The following PCGF6 variants were observed in gnomAD, a reference collection of about 807,000 sequenced individuals.
The protein encoded by PCGF6 is polycomb group RING finger protein 6.
PCGF6 carries 24 observed loss-of-function variants against 45.5 expected under a neutral mutation model. The ratio of observed to expected loss-of-function variants is 0.53; its 90% confidence interval spans 0.38 to 0.74. The LOEUF (loss-of-function observed/expected upper bound fraction) is 0.74. Among genes scored for constraint, PCGF6 ranks in the 30% least tolerant of loss-of-function variants. The pLI is 0.00. For missense variants in PCGF6, 356 were observed against 443.2 expected, an observed-to-expected ratio of 0.80 and a Z score of 1.77; for synonymous variants, 152 against 162.1, an observed-to-expected ratio of 0.94 and a Z score of 0.47.
At chr10:103,315,988 GTGTGTGTATA>G (rs1217406295) in intron 8 of PCGF6, among the ~76,000 whole-genome samples, 1 of 110,516 alleles carries the variant, frequency 9.0e-6, no homozygotes, top group Admixed American at 1.1e-4. Context: ...GTGTGTGTGT[GTGTGTGTATA>G]TATATATATA....
chr10:103,328,475 G>A (rs2093227429), intron 7 of PCGF6, among the ~76,000 whole-genome samples: 1 of 152,080 alleles, frequency 6.6e-6, no homozygotes, highest in African/African-American at 2.4e-5. Context: ...TTGAGTGTAG[G>A]CACTCCAGGC....
intron 8 of PCGF6, among the ~76,000 whole-genome samples, chr10:103,319,275 G>C (rs2093187760): frequency 6.6e-6 from 1 of 152,012 alleles, no homozygotes; most frequent in Non-Finnish European, 1.5e-5. Context: ...TCAGCCTCCT[G>C]AGTAGCTGAG....
chr10:103,317,425 T>A (rs1345056574), intron 8 of PCGF6, among the ~76,000 whole-genome samples: 5 of 152,166 alleles, frequency 3.3e-5, no homozygotes, highest in African/African-American at 1.2e-4. Context: ...TTTTTACAGA[T>A]CTTTAAATTT....
intron 1 of PCGF6, among the ~76,000 whole-genome samples, chr10:103,349,839 T>C (rs984954934): frequency 6.7e-6 from 1 of 149,978 alleles, no homozygotes; most frequent in Non-Finnish European, 1.5e-5. Flanking sequence ...TCCCAGCACT[T>C]TGGGAGGCCG....
In PCGF6 at chr10:103,341,069, A is replaced by G. The variant is rs1340877583; in HGVS notation, c.782+3955T>C. Among the ~76,000 whole-genome samples, 3 of 151,732 alleles carry G rather than the reference A, an allele frequency of 2.0e-5. No individual in the cohort carries two copies. In the East Asian group the frequency reaches 5.9e-4, roughly 30 times the overall value. ...ACATGGCGAAACCCTGTCTCTACTA[A>G]AAATAGAAAATTAGCCAGGCATGGT... On this transcript the variant is annotated intron_variant, in intron 6 of 9. Transcript: ENST00000369847.
At chr10:103,341,461 C>A (rs970487164) in intron 6 of PCGF6, among the ~76,000 whole-genome samples, 16 of 151,732 alleles carry the variant, frequency 1.1e-4, no homozygotes, top group Non-Finnish European at 1.3e-4. Context: ...TTTTTCGAGA[C>A]GGAGTTTGGC....
chr10:103,347,481 A>T lies in PCGF6; in HGVS notation c.558-31T>A, dbSNP rs2093303777. ...AAAAGGAAAGGATGGAGAATACCTC[A>T]GAATTCAGAAAAATGCATTTTGGTA... On this transcript the variant is annotated intron_variant, in intron 3 of 9. Transcript: ENST00000369847. 1.9e-6 allele frequency: 3 copies of T among 1,548,856 alleles called. No individual in the cohort carries two copies. In the African/African-American group the frequency reaches 4.1e-5, roughly 21 times the overall value.
chr10:103,304,641 C>T (rs908713083), intron 9 of PCGF6, among the ~76,000 whole-genome samples: 3 of 139,134 alleles, frequency 2.2e-5, no homozygotes, highest in African/African-American at 5.4e-5. Context: ...ACACCTGGCC[C>T]GACACCCAGC....
At chr10:103,329,937 C>T (rs1033992852) in intron 7 of PCGF6, among the ~76,000 whole-genome samples, 13 of 151,360 alleles carry the variant, frequency 8.6e-5, no homozygotes, top group East Asian at 3.9e-4. Flanking sequence ...TGCCACCATG[C>T]CCTGCTAATT....
chr10:103,342,931 T>G (rs1212488998), intron 6 of PCGF6, among the ~76,000 whole-genome samples: 4 of 152,076 alleles, frequency 2.6e-5, no homozygotes, highest in South Asian at 4.1e-4. Context: ...CTCTTGCCTT[T>G]TAGGGGTTCT....
intron 9 of PCGF6, among the ~76,000 whole-genome samples, 193 bp from the exon 10 acceptor site, chr10:103,304,154 T>G (rs2093129120): frequency 6.6e-6 from 1 of 151,652 alleles, no homozygotes; most frequent in African/African-American, 2.4e-5. Context: ...TTTTTTTTTT[T>G]GAGACAGAGT....
At chr10:103,315,162 T>C (rs2093170327) in intron 8 of PCGF6, among the ~76,000 whole-genome samples, 2 of 152,042 alleles carry the variant, frequency 1.3e-5, no homozygotes, top group South Asian at 4.2e-4. Context: ...TTTCAGCCCT[T>C]TGGTAATTGC....
At chr10:103,343,624 A>G (rs2093288803) in intron 6 of PCGF6, among the ~76,000 whole-genome samples, 1 of 151,924 alleles carries the variant, frequency 6.6e-6, no homozygotes, top group South Asian at 2.1e-4. Context: ...GGATCACCTG[A>G]GGTCAGGAGA....
chr10:103,333,544 T>A (rs2093247287), intron 7 of PCGF6, among the ~76,000 whole-genome samples: 1 of 152,164 alleles, frequency 6.6e-6, no homozygotes, highest in Admixed American at 6.6e-5. Context: ...CATTCTTACC[T>A]CTAAAACTTC....
Position 103,347,240 on chromosome 10 carries a change from G to C in PCGF6, c.671C>G (p.Pro224Arg). The change falls in exon 5 of 10, where the codon CCT (proline) becomes CGT (arginine). Residue 224 changes from proline (P) to arginine (R), a missense_variant and splice_region_variant. Physicochemically the swap from Pro to Arg is moderately radical, Grantham distance 103. This residue lies in a region of PCGF6 where 307 missense variants were observed against 350.1 expected (regional missense o/e 0.88). Coordinates refer to ENST00000369847, the MANE Select transcript of PCGF6 (RefSeq NM_001011663.2). Reference protein sequence around the residue: ...YKERGLEVPKPAVPQPVPSSK... With the variant: ...YKERGLEVPKRAVPQPVPSSK... ...TTATAGTATACACCCAAACTTACCA[G>C]GTTTAGGTACTTCTAGACCTCTTTC... The C allele has an allele frequency of 6.2e-7, 1 of 1,603,128 alleles. No individual in the cohort carries two copies. Among genetic ancestry groups the C allele is most frequent in the South Asian group, 1.1e-5 (1 of 90,664 alleles).
intron 6 of PCGF6, among the ~76,000 whole-genome samples, chr10:103,343,738 C>G (rs2093289215): frequency 6.6e-6 from 1 of 150,688 alleles, no homozygotes; most frequent in African/African-American, 2.4e-5. Context: ...GAGGCTGAGG[C>G]AGGAGAATCC....
At chr10:103,322,590 G>A (rs1368153764) in intron 8 of PCGF6, among the ~76,000 whole-genome samples, 2 of 152,024 alleles carry the variant, frequency 1.3e-5, no homozygotes, top group Admixed American at 1.3e-4. Context: ...GGAGGCTGAG[G>A]CAGGAGGATC....
At chr10:103,333,113 C>T (rs2093246033) in intron 7 of PCGF6, among the ~76,000 whole-genome samples, 1 of 133,432 alleles carries the variant, frequency 7.5e-6, no homozygotes, top group Non-Finnish European at 1.6e-5. Flanking sequence ...AGGAAGACTC[C>T]ATTTAAAAAA....
intron 8 of PCGF6, among the ~76,000 whole-genome samples, chr10:103,315,296 C>T (rs982524072): frequency 1.3e-5 from 2 of 152,116 alleles, no homozygotes; most frequent in Non-Finnish European, 2.9e-5. Flanking sequence ...GGCAATCCTC[C>T]CACCTTAGCA....
Sources: allele counts gnomAD v4.1 joint callset (sites outside exome capture counted in the v4.1 genomes callset), GRCh38; gene constraint gnomAD v4.1.1; regional missense constraint gnomAD v4.1.1; transcripts MANE v1.5; gene names NCBI Gene and HGNC (gene_info 2026-07-23, HGNC 2026-07-21).